The following USP47 variants were observed in gnomAD, a reference collection of about 807,000 sequenced individuals.
USP47 encodes ubiquitin specific peptidase 47, also known as ubiquitin carboxyl-terminal hydrolase 47.
Under a neutral mutation model 165.1 loss-of-function variants are expected in USP47, and 35 were observed. The observed-to-expected ratio is 0.21, with a 90% CI of 0.16 to 0.28. USP47 has a LOEUF of 0.28. USP47 is among the 10% of genes least tolerant of loss of function. USP47 has a pLI of 1.00. For synonymous variants in USP47, 531 were observed against 544.5 expected, an observed-to-expected ratio of 0.98 and a Z score of 0.35; for missense variants, 1,277 against 1,607.4, an observed-to-expected ratio of 0.79 and a Z score of 3.52.
chr11:11,940,268 T>G (rs1318867056), intron 18 of USP47, among the ~76,000 whole-genome samples, 161 bp from the exon 19 acceptor site: 1 of 152,024 alleles, frequency 6.6e-6, no homozygotes, highest in Non-Finnish European at 1.5e-5. Context: ...TATAAGTAAT[T>G]TTTCCCTTCA....
intron 1 of USP47, 92 bp downstream of exon 1, chr11:11,842,316 G>A (rs919138927): frequency 2.1e-6 from 3 of 1,431,664 alleles, no homozygotes; most frequent in East Asian, 2.6e-5. Context: ...GCCCGGCCGG[G>A]GTGCAGGCTC....
intron 2 of USP47, among the ~76,000 whole-genome samples, chr11:11,881,838 A>T (rs1006353144): frequency 6.6e-6 from 1 of 152,156 alleles, no homozygotes; most frequent in Non-Finnish European, 1.5e-5. Context: ...CTTGAGACCT[A>T]ATCAGCTCCT....
At chr11:11,855,101 A>G (rs923598648) in intron 1 of USP47, among the ~76,000 whole-genome samples, 7 of 152,012 alleles carry the variant, frequency 4.6e-5, no homozygotes, top group African/African-American at 1.7e-4. Context: ...TCTCAGGAAA[A>G]AAAAAAAAAG....
At chr11:11,900,907 A>G (rs1004300059) in intron 5 of USP47, among the ~76,000 whole-genome samples, 2 of 152,168 alleles carry the variant, frequency 1.3e-5, no homozygotes, top group Non-Finnish European at 2.9e-5. Context: ...AAATTTGAGC[A>G]TTTTCTGTTT....
At position 11,841,987 on chromosome 11, in the gene USP47, G is replaced by A. The variant is rs1848141855; in HGVS notation, c.-199G>A. The A allele has an allele frequency of 3.7e-6, 2 of 542,688 alleles. No homozygotes were observed. Among genetic ancestry groups the A allele is most frequent in the East Asian group, 6.7e-5 (2 of 30,054 alleles). The allele number at this position is 542,688 out of a possible 1,614,324, so 33.6% of individuals were successfully genotyped here. On this transcript the variant is annotated 5_prime_UTR_variant, in exon 1 of 28. Transcript: ENST00000527733. ...AGGGGCCGACGACGAAGGCGGCTGT[G>A]GTAGCGGCGGCGGCGGCGGCGGAGC... is the stretch of plus-strand genomic sequence containing the variant.
At chr11:11,844,935 C>T (rs376556972) in intron 1 of USP47, among the ~76,000 whole-genome samples, 67 of 152,248 alleles carry the variant, frequency 4.4e-4, no homozygotes, top group African/African-American at 1.3e-3. Flanking sequence ...TGGCAAACCA[C>T]GGCCTGTGGT....
chr11:11,857,334 G>A (rs1298526745), intron 1 of USP47, among the ~76,000 whole-genome samples: 1 of 151,806 alleles, frequency 6.6e-6, no homozygotes, highest in African/African-American at 2.4e-5. Flanking sequence ...TCTATTTATA[G>A]TACTTTGTGA....
chr11:11,932,725 A>G (rs1442543586), intron 14 of USP47, among the ~76,000 whole-genome samples: 1 of 152,114 alleles, frequency 6.6e-6, no homozygotes, highest in Admixed American at 6.6e-5. Context: ...TTCATTCTAA[A>G]ATATTAATCC....
chr11:11,903,396 C>T, intron 7 of USP47, 54 bp downstream of exon 7: 2 of 1,510,854 alleles, frequency 1.3e-6, no homozygotes, highest in South Asian at 2.4e-5. Flanking sequence ...TCACTTGTTA[C>T]CCTAAATGAC....
intron 20 of USP47, among the ~76,000 whole-genome samples, chr11:11,944,867 A>G (rs144801394): frequency 2.3e-3 from 352 of 152,334 alleles, no homozygotes; most frequent in African/African-American, 8.0e-3. Context: ...TTTTAGAATG[A>G]TGTGCTAAAA....
At chr11:11,909,803 A>G (rs576918915) in intron 8 of USP47, among the ~76,000 whole-genome samples, 1 of 152,378 alleles carries the variant, frequency 6.6e-6, no homozygotes, top group South Asian at 2.1e-4. Context: ...CTAAGTAAAC[A>G]TAGTTTAATG....
chr11:11,872,558 A>G (rs191464365), intron 1 of USP47, among the ~76,000 whole-genome samples: 55 of 152,352 alleles, frequency 3.6e-4, no homozygotes, highest in African/African-American at 1.2e-3. Context: ...AAAATATTCC[A>G]GGTACATGGT....
At chr11:11,929,319 A>G in intron 11 of USP47, 115 bp from the exon 12 acceptor site, 1 of 1,397,852 alleles carries the variant, frequency 7.2e-7, no homozygotes, top group Non-Finnish European at 9.5e-7. Flanking sequence ...TTGACCTGTA[A>G]TATATAGGAC....
At chr11:11,890,035 A>G (rs555235445) in intron 3 of USP47, among the ~76,000 whole-genome samples, 3 of 152,250 alleles carry the variant, frequency 2.0e-5, no homozygotes, top group South Asian at 4.2e-4. Flanking sequence ...TCCTTACACC[A>G]TAAACAAAAA....
At chr11:11,876,915 A>G (rs966642466) in intron 1 of USP47, among the ~76,000 whole-genome samples, 2 of 152,212 alleles carry the variant, frequency 1.3e-5, no homozygotes, top group Non-Finnish European at 2.9e-5. Flanking sequence ...AAAGGAAAAA[A>G]AAAAGAATGG....
intron 8 of USP47, among the ~76,000 whole-genome samples, chr11:11,911,425 A>G (rs1222210685): frequency 1.3e-5 from 2 of 152,150 alleles, no homozygotes; most frequent in Admixed American, 6.6e-5. Context: ...AGCAAACCCC[A>G]AACACAATAA....
intron 1 of USP47, among the ~76,000 whole-genome samples, 190 bp from the exon 2 acceptor site, chr11:11,879,987 C>T (rs976782026): frequency 6.6e-6 from 1 of 151,960 alleles, no homozygotes; most frequent in Non-Finnish European, 1.5e-5. Flanking sequence ...CAAACATATA[C>T]GGTGCTTATA....
At position 11,956,311 on chromosome 11, in the gene USP47, C is replaced by A; in HGVS notation, c.*136C>A. 1 of 795,178 alleles carries A rather than the reference C, an allele frequency of 1.3e-6. No homozygotes were observed. The highest frequency in any genetic ancestry group is 1.9e-6 in the Non-Finnish European group (1 of 516,950). 49.3% of individuals were successfully genotyped at this position (795,178 alleles called of 1,614,324 possible). On this transcript the variant is annotated 3_prime_UTR_variant, in exon 28 of 28. Transcript: ENST00000527733. ...CAGCACTGATTGGACTGCCCTACAC[C>A]AATCAGAAGCTCAGTGCCCAATGGG...
intron 1 of USP47, among the ~76,000 whole-genome samples, chr11:11,856,228 A>G (rs1849032135): frequency 6.6e-6 from 1 of 152,214 alleles, no homozygotes; most frequent in East Asian, 1.9e-4. Context: ...TTCCCCAGAA[A>G]AAGTCAACAG....
Sources: allele counts gnomAD v4.1 joint callset (sites outside exome capture counted in the v4.1 genomes callset), GRCh38; gene constraint gnomAD v4.1.1; transcripts MANE v1.5; gene names NCBI Gene and HGNC (gene_info 2026-07-23, HGNC 2026-07-21).